Variants in DYRK1A observed in about 807,000 individuals in gnomAD.
DYRK1A encodes dual specificity tyrosine-phosphorylation-regulated kinase 1A.
In DYRK1A, 9 loss-of-function variants were observed where a neutral mutation model predicts 79.7. That is an observed-to-expected ratio of 0.11 (90% CI 0.07 to 0.20). The LOEUF is 0.20. Ranked by LOEUF, DYRK1A falls within the 10% of genes least tolerant of loss-of-function variation. The probability of loss-of-function intolerance (pLI) is 1.00; values close to 1 mark genes in which losing one functional copy is unlikely to be tolerated. For missense variants in DYRK1A, 622 were observed against 956.0 expected (o/e 0.65, Z 4.61); for synonymous variants, 349 against 329.7 (o/e 1.06, Z -0.63).
chr21:37,432,091 TG>T (rs1459424426), intron 2 of DYRK1A, among the ~76,000 whole-genome samples: 1 of 152,200 alleles, frequency 6.6e-6, no homozygotes, highest in Non-Finnish European at 1.5e-5. Context: ...TCAACTTTTA[TG>T]TTTTCATGAT....
At chr21:37,479,079 T>C (rs1453642248) in intron 4 of DYRK1A, among the ~76,000 whole-genome samples, 2 of 152,250 alleles carry the variant, frequency 1.3e-5, no homozygotes, top group Non-Finnish European at 2.9e-5. Context: ...CCCTTTCATG[T>C]TGAAGGCTTG....
Position 37,512,359 on chromosome 21 carries a change from A to T in DYRK1A, c.2093A>T (p.Asn698Ile). 6.2e-7 allele frequency: 1 copy of T among 1,614,226 alleles called. No homozygotes were observed. The highest frequency in any genetic ancestry group is 8.5e-7 in the Non-Finnish European group (1 of 1,180,040). Residue 698 changes from asparagine to isoleucine, a missense_variant, in exon 12 of 12, where the codon AAT becomes ATT. This residue lies in a region of DYRK1A where 292 missense variants were observed against 316.7 expected (regional missense o/e 0.92). Transcript: ENST00000647188. Reference sequence around the variant, plus strand: ...GACGTTAATTTGACCGTCTACTCCAATCCCCGCCAAGAGACTGGCATAGCT... The same window carrying T: ...GACGTTAATTTGACCGTCTACTCCATTCCCCGCCAAGAGACTGGCATAGCT... ...AMDVNLTVYS[N>I]PRQETGIAGH...
intron 2 of DYRK1A, among the ~76,000 whole-genome samples, chr21:37,435,444 G>A (rs992273411): frequency 3.3e-5 from 5 of 152,158 alleles, no homozygotes; most frequent in Non-Finnish European, 7.4e-5. Flanking sequence ...CACTCACTGC[G>A]GGCAGGCGGA....
chr21:37,417,500 A>AT (rs2050367427), intron 1 of DYRK1A, among the ~76,000 whole-genome samples: 1 of 49,296 alleles, frequency 2.0e-5, no homozygotes, highest in East Asian at 7.2e-4. Context: ...TGTATTTTTT[A>AT]TTTTTCTTTT....
At chr21:37,389,639 G>A (rs980585628) in intron 1 of DYRK1A, among the ~76,000 whole-genome samples, 4 of 151,998 alleles carry the variant, frequency 2.6e-5, no homozygotes, top group African/African-American at 9.7e-5. Context: ...CAAATATTTG[G>A]CCATCCTTGG....
At chr21:37,498,008 A>G (rs2053325532) in intron 9 of DYRK1A, among the ~76,000 whole-genome samples, 1 of 152,224 alleles carries the variant, frequency 6.6e-6, no homozygotes, top group South Asian at 2.1e-4. Flanking sequence ...TAATTACATT[A>G]CAAATGGTAC....
intron 2 of DYRK1A, among the ~76,000 whole-genome samples, chr21:37,467,938 G>A (rs1220852850): frequency 2.0e-5 from 3 of 152,168 alleles, no homozygotes; most frequent in Non-Finnish European, 4.4e-5. Context: ...CTAGCCACAT[G>A]TGGCTATTTG....
intron 3 of DYRK1A, among the ~76,000 whole-genome samples, chr21:37,473,333 A>G (rs2052291346): frequency 6.6e-6 from 1 of 152,190 alleles, no homozygotes; most frequent in Admixed American, 6.5e-5. Context: ...ATGCAAATTA[A>G]CCGTGCTATT....
intron 7 of DYRK1A, among the ~76,000 whole-genome samples, chr21:37,491,576 A>G (rs2053097894): frequency 6.6e-6 from 1 of 152,220 alleles, no homozygotes; most frequent in Non-Finnish European, 1.5e-5. Flanking sequence ...TCTTTTTGTT[A>G]TTTTCTGCAA....
chr21:37,513,490 TTTAAAA>T lies in DYRK1A; in HGVS notation c.*961_*966del, dbSNP rs1569409269. On this transcript the variant is annotated 3_prime_UTR_variant, in exon 12 of 12. Coordinates refer to ENST00000647188, the MANE Select transcript of DYRK1A (RefSeq NM_001347721.2). ...AATGGGTAATTCAAGAGGCCTTTCT[TTTAAAA>T]TAGACTTTTGTGACCCACTAATTGT... 1 of 152,626 alleles carries T rather than the reference TTTAAAA, an allele frequency of 6.6e-6. No homozygotes were observed. Among genetic ancestry groups the T allele is most frequent in the Admixed American group, 6.5e-5 (1 of 15,286 alleles). 9.5% of individuals were successfully genotyped at this position (152,626 alleles called of 1,614,324 possible).
chr21:37,408,459 C>A (rs1046079350), intron 1 of DYRK1A, among the ~76,000 whole-genome samples: 2 of 152,110 alleles, frequency 1.3e-5, no homozygotes, highest in African/African-American at 4.8e-5. Flanking sequence ...GTAAGTAATG[C>A]CACATTTAAA....
Position 37,478,178 on chromosome 21 carries a change from A to G in DYRK1A, c.208-30A>G. The stretch of plus-strand genomic sequence containing the variant: ...AAGTGCTAGTCTTTTCTGTCTATTT[A>G]AGGTGATGCCTGATATTGTCATGTT... On this transcript the variant is annotated intron_variant, in intron 3 of 11. Transcript: ENST00000647188. 2 of 1,613,608 alleles carry G rather than the reference A, an allele frequency of 1.2e-6. No individual in the cohort carries two copies. Among genetic ancestry groups the G allele is most frequent in the African/African-American group, 2.7e-5 (2 of 75,018 alleles).
intron 1 of DYRK1A, chr21:37,368,041 A>AT (rs1460219325): frequency 5.2e-5 from 8 of 152,696 alleles, no homozygotes; most frequent in Non-Finnish European, 1.2e-4. Flanking sequence ...CGCCGGGGTG[A>AT]TTCGCAAGGA....
At chr21:37,444,063 T>C (rs368111631) in intron 2 of DYRK1A, among the ~76,000 whole-genome samples, 2 of 152,206 alleles carry the variant, frequency 1.3e-5, no homozygotes, top group South Asian at 2.1e-4. Flanking sequence ...TTCTCTCAGC[T>C]TGGTATGCCC....
intron 2 of DYRK1A, among the ~76,000 whole-genome samples, chr21:37,443,892 T>C (rs892173526): frequency 6.6e-6 from 1 of 152,218 alleles, no homozygotes; most frequent in Non-Finnish European, 1.5e-5. Flanking sequence ...CTTAACTAAT[T>C]ATGTGTGCAG....
chr21:37,385,066 A>T (rs1168135791), intron 1 of DYRK1A, among the ~76,000 whole-genome samples: 1 of 151,984 alleles, frequency 6.6e-6, no homozygotes, highest in African/African-American at 2.4e-5. Context: ...AATTGTGACA[A>T]GCAGAAGTTG....
intron 2 of DYRK1A, among the ~76,000 whole-genome samples, chr21:37,429,454 C>T (rs893857532): frequency 2.0e-5 from 3 of 152,136 alleles, no homozygotes; most frequent in African/African-American, 7.2e-5. Flanking sequence ...CCTCAGGAAA[C>T]TTAGAGTCAT....
intron 9 of DYRK1A, chr21:37,502,394 T>A (rs1013100084): frequency 6.6e-5 from 10 of 152,216 alleles, no homozygotes; most frequent in African/African-American, 2.4e-4. Flanking sequence ...TTATTTTATC[T>A]CTTGTACTGA....
intron 6 of DYRK1A, among the ~76,000 whole-genome samples, chr21:37,489,700 G>A (rs1383767783): frequency 6.6e-6 from 1 of 151,782 alleles, no homozygotes; most frequent in East Asian, 1.9e-4. Flanking sequence ...AAGTTCAGCA[G>A]TGCAGATACA....
Sources: allele counts gnomAD v4.1 joint callset (sites outside exome capture counted in the v4.1 genomes callset), GRCh38; gene constraint gnomAD v4.1.1; regional missense constraint gnomAD v4.1.1; transcripts MANE v1.5; gene names NCBI Gene and HGNC (gene_info 2026-07-23, HGNC 2026-07-21).